Variants in PTPRM observed in about 807,000 individuals in gnomAD.
PTPRM encodes the protein protein tyrosine phosphatase receptor type M.
PTPRM carries 47 observed loss-of-function variants against 186.7 expected under a neutral mutation model. That is an observed-to-expected ratio of 0.25 (90% CI 0.20 to 0.32). The LOEUF (loss-of-function observed/expected upper bound fraction) is 0.32. Among genes scored for constraint, PTPRM ranks in the 10% least tolerant of loss-of-function variants. The pLI, the probability that PTPRM is intolerant of heterozygous loss-of-function variation, is 1.00. For missense variants in PTPRM, 1,494 were observed against 1,865.0 expected (o/e 0.80, Z 3.66); for synonymous variants, 668 against 674.9 (o/e 0.99, Z 0.16).
intron 1 of PTPRM, among the ~76,000 whole-genome samples, chr18:7,762,085 G>A (rs2041802736): frequency 6.6e-6 from 1 of 152,152 alleles, no homozygotes; most frequent in South Asian, 2.1e-4. Flanking sequence ...GAGATGAACA[G>A]AACATTGTCC....
At chr18:8,280,185 C>T (rs898598117) in intron 19 of PTPRM, among the ~76,000 whole-genome samples, 3 of 152,200 alleles carry the variant, frequency 2.0e-5, no homozygotes, top group African/African-American at 2.4e-5. Flanking sequence ...CCTCTCCTCA[C>T]ATGTTGGCTT....
chr18:7,796,896 C>T (rs554082152), intron 2 of PTPRM, among the ~76,000 whole-genome samples: 68 of 152,248 alleles, frequency 4.5e-4, no homozygotes, highest in Non-Finnish European at 8.8e-4. Flanking sequence ...ATATAGCACA[C>T]ATGTAACTTT....
intron 8 of PTPRM, among the ~76,000 whole-genome samples, chr18:8,070,399 AT>A (rs35856812): frequency 0.48 from 72,766 of 151,386 alleles, 17,617 homozygotes; most frequent in Non-Finnish European, 0.52. Flanking sequence ...ATTCTGAAAC[AT>A]TTTTCATAGT....
At chr18:8,177,279 T>G (rs1017519578) in intron 14 of PTPRM, among the ~76,000 whole-genome samples, 2 of 152,256 alleles carry the variant, frequency 1.3e-5, no homozygotes, top group African/African-American at 4.8e-5. Context: ...CTTTGTTTAT[T>G]CATTCAACAC....
intron 1 of PTPRM, among the ~76,000 whole-genome samples, chr18:7,589,376 A>T (rs947980102): frequency 2.0e-5 from 3 of 152,188 alleles, no homozygotes; most frequent in Admixed American, 6.5e-5. Context: ...TAGCACAGAA[A>T]CGGGTGCCCT....
chr18:8,261,982 G>A (rs150951671), intron 19 of PTPRM, among the ~76,000 whole-genome samples: 1,733 of 152,018 alleles, frequency 0.011, 14 homozygotes, highest in Non-Finnish European at 0.018. Flanking sequence ...GAACGTGCCC[G>A]TGTGCCAGCA....
At chr18:8,275,306 A>G (rs2094821017) in intron 19 of PTPRM, among the ~76,000 whole-genome samples, 1 of 152,118 alleles carries the variant, frequency 6.6e-6, no homozygotes, top group South Asian at 2.1e-4. Flanking sequence ...TTAGCTGGCC[A>G]TGGTAGTGTG....
At chr18:7,795,185 T>C (rs1829351087) in intron 2 of PTPRM, among the ~76,000 whole-genome samples, 1 of 152,194 alleles carries the variant, frequency 6.6e-6, no homozygotes, top group Non-Finnish European at 1.5e-5. Flanking sequence ...TGATTTTCTG[T>C]TGCCATTGTA....
At chr18:8,083,069 G>T (rs1175297734) in intron 9 of PTPRM, among the ~76,000 whole-genome samples, 1 of 151,688 alleles carries the variant, frequency 6.6e-6, no homozygotes, top group African/African-American at 2.4e-5. Context: ...CTTATTCCAA[G>T]CCCCTGTATT....
Position 8,076,481 on chromosome 18 carries a change from A to G in PTPRM, c.1468A>G (p.Ile490Val), listed in dbSNP as rs2089824271. The change falls in exon 9 of 33, where the codon ATA (isoleucine) becomes GTA (valine). Residue 490 changes from isoleucine to valine, a missense_variant. Physicochemically the swap from Ile to Val is conservative, Grantham distance 29. Around this residue, in one of 3 missense-constraint regions of PTPRM, gnomAD observed 1,107 missense variants for 1,350.2 expected, o/e 0.82. Transcript: ENST00000580170. ...CCCAGGTGCTGTTCCCACTGAATCCATACAAGGAAGTACCTTTGAAGAGAA... is the reference window on the plus strand; with the variant it reads ...CCCAGGTGCTGTTCCCACTGAATCCGTACAAGGAAGTACCTTTGAAGAGAA... ...DLPGAVPTES[I>V]QGSTFEEKIF... 1 of 1,608,886 alleles carries G rather than the reference A, an allele frequency of 6.2e-7. No individual in the cohort carries two copies. The highest frequency in any genetic ancestry group is 1.1e-5 in the South Asian group (1 of 90,826).
intron 1 of PTPRM, among the ~76,000 whole-genome samples, chr18:7,701,651 G>T (rs75588405): frequency 6.6e-6 from 1 of 151,986 alleles, no homozygotes; most frequent in Non-Finnish European, 1.5e-5. Flanking sequence ...AGACTATTAT[G>T]AGCTTTCAAA....
At chr18:8,213,598 G>A (rs1292906119) in intron 14 of PTPRM, among the ~76,000 whole-genome samples, 1 of 152,122 alleles carries the variant, frequency 6.6e-6, no homozygotes, top group East Asian at 1.9e-4. Context: ...TGGAATGAGA[G>A]CCAGGATCCT....
At chr18:8,006,986 A>G (rs1280594291) in intron 7 of PTPRM, among the ~76,000 whole-genome samples, 1 of 152,168 alleles carries the variant, frequency 6.6e-6, no homozygotes. Flanking sequence ...TCTGTAGGAT[A>G]CTTGTCAACT....
intron 19 of PTPRM, among the ~76,000 whole-genome samples, chr18:8,264,023 G>T (rs111792325): frequency 6.6e-6 from 1 of 152,158 alleles, no homozygotes; most frequent in African/African-American, 2.4e-5. Context: ...GAAGCGGGGG[G>T]TTGCCATCTT....
intron 14 of PTPRM, among the ~76,000 whole-genome samples, chr18:8,158,377 T>C (rs532274081): frequency 6.6e-6 from 1 of 152,336 alleles, no homozygotes; most frequent in South Asian, 2.1e-4. Context: ...CACTTTCTAG[T>C]TCATAAGAGC....
At chr18:8,052,813 A>T (rs945293240) in intron 7 of PTPRM, among the ~76,000 whole-genome samples, 1 of 152,320 alleles carries the variant, frequency 6.6e-6, no homozygotes, top group South Asian at 2.1e-4. Context: ...TGTATAACAC[A>T]TTGCATTGAT....
chr18:7,984,978 TAC>T (rs1568131166), intron 7 of PTPRM, among the ~76,000 whole-genome samples: 1 of 124,250 alleles, frequency 8.0e-6, no homozygotes, highest in African/African-American at 3.3e-5. Context: ...TAATTATATA[TAC>T]ATATAATTAT....
chr18:7,751,656 A>G (rs2041221541), intron 1 of PTPRM, among the ~76,000 whole-genome samples: 1 of 152,184 alleles, frequency 6.6e-6, no homozygotes. Context: ...TGTGTACAGT[A>G]TATACAGTTC....
intron 4 of PTPRM, among the ~76,000 whole-genome samples, chr18:7,921,970 GTTAT>G (rs2050892105): frequency 6.6e-6 from 1 of 152,122 alleles, no homozygotes. Flanking sequence ...TGAAGGGTTG[GTTAT>G]TTATTCCAGT....
Sources: allele counts gnomAD v4.1 joint callset (sites outside exome capture counted in the v4.1 genomes callset), GRCh38; gene constraint gnomAD v4.1.1; regional missense constraint gnomAD v4.1.1; transcripts MANE v1.5; gene names NCBI Gene and HGNC (gene_info 2026-07-23, HGNC 2026-07-21).